EPHA5: variants seen among roughly 807,000 people sequenced by gnomAD.
EPHA5 encodes the protein ephrin type-A receptor 5.
Under a neutral mutation model 105.0 loss-of-function variants are expected in EPHA5, and 60 were observed. The ratio of observed to expected loss-of-function variants is 0.57; its 90% CI spans 0.46 to 0.71. The LOEUF (loss-of-function observed/expected upper bound fraction) is 0.71, where lower values mean the gene tolerates loss of function less well. Ranked by LOEUF, EPHA5 falls within the 30% of genes least tolerant of loss-of-function variation. The pLI, the probability that EPHA5 is intolerant of heterozygous loss-of-function variation, is 0.00. For missense variants in EPHA5, 1,218 were observed against 1,274.7 expected (o/e 0.96, Z 0.68); for synonymous variants, 513 against 449.1 (o/e 1.14, Z -1.80).
At chr4:65,333,183 C>T (rs1306902140) in intron 15 of EPHA5, among the ~76,000 whole-genome samples, 2 of 151,352 alleles carry the variant, frequency 1.3e-5, no homozygotes, top group Admixed American at 1.3e-4. Context: ...AATTTACATG[C>T]CCATTATGTA....
intron 16 of EPHA5, among the ~76,000 whole-genome samples, chr4:65,326,360 A>T (rs1720080730): frequency 6.6e-6 from 1 of 151,304 alleles, no homozygotes; most frequent in Non-Finnish European, 1.5e-5. Flanking sequence ...TAAGTAAAGC[A>T]CTTCAAATTA....
At chr4:65,589,323 T>C (rs919200929) in intron 3 of EPHA5, among the ~76,000 whole-genome samples, 1 of 152,034 alleles carries the variant, frequency 6.6e-6, no homozygotes, top group African/African-American at 2.4e-5. Flanking sequence ...GAATAAAGAC[T>C]GAAGCCCTCC....
At chr4:65,613,970 C>T (rs1232641039) in intron 2 of EPHA5, among the ~76,000 whole-genome samples, 1 of 151,850 alleles carries the variant, frequency 6.6e-6, no homozygotes, top group African/African-American at 2.4e-5. Context: ...TATTTTGTTG[C>T]ACTTTAATAT....
intron 8 of EPHA5, among the ~76,000 whole-genome samples, chr4:65,370,105 T>C (rs764396405): frequency 3.3e-5 from 5 of 152,104 alleles, no homozygotes; most frequent in South Asian, 2.1e-4. Context: ...TGAGGAAAAA[T>C]ACACAACAGG....
intron 3 of EPHA5, among the ~76,000 whole-genome samples, chr4:65,577,032 A>C (rs4599467): frequency 0.87 from 132,824 of 152,220 alleles, 58,259 homozygotes; most frequent in Non-Finnish European, 0.91. Context: ...ACAAAACTTT[A>C]TAACACTGTT....
At chr4:65,517,602 C>T (rs1046846071) in intron 3 of EPHA5, among the ~76,000 whole-genome samples, 7 of 151,558 alleles carry the variant, frequency 4.6e-5, no homozygotes, top group African/African-American at 1.7e-4. Flanking sequence ...CGTTTATTCC[C>T]CTTTTCTTCT....
At chr4:65,449,983 A>G (rs73822147) in intron 5 of EPHA5, among the ~76,000 whole-genome samples, 10,201 of 152,216 alleles carry the variant, frequency 0.067, 1,162 homozygotes, top group African/African-American at 0.23. Context: ...TGTTGGCTAA[A>G]CCACTCAGTT....
chr4:65,544,911 C>T (rs148335148), intron 3 of EPHA5, among the ~76,000 whole-genome samples: 2,305 of 149,560 alleles, frequency 0.015, 26 homozygotes, highest in Non-Finnish European at 0.024. Flanking sequence ...GGAATGAGAT[C>T]GTGTCCTTGC....
At chr4:65,528,421 T>C (rs1408916083) in intron 3 of EPHA5, among the ~76,000 whole-genome samples, 1 of 152,120 alleles carries the variant, frequency 6.6e-6, no homozygotes, top group Non-Finnish European at 1.5e-5. Flanking sequence ...AAGAAATATA[T>C]TTAATTCGCT....
intron 5 of EPHA5, among the ~76,000 whole-genome samples, chr4:65,455,048 A>G (rs1428225733): frequency 6.6e-6 from 1 of 152,078 alleles, no homozygotes; most frequent in Non-Finnish European, 1.5e-5. Flanking sequence ...GATCGAGACC[A>G]TGGTGAAACC....
chr4:65,361,434 G>A (rs1717306765), intron 11 of EPHA5, among the ~76,000 whole-genome samples: 1 of 151,572 alleles, frequency 6.6e-6, no homozygotes, highest in South Asian at 2.1e-4. Flanking sequence ...CATTTTGGTT[G>A]ATTTGTTTGC....
intron 12 of EPHA5, among the ~76,000 whole-genome samples, chr4:65,352,036 G>A (rs532389150): frequency 6.6e-6 from 1 of 151,978 alleles, no homozygotes; most frequent in Non-Finnish European, 1.5e-5. Context: ...GATGGGAGAC[G>A]GGTGACTGAG....
intron 5 of EPHA5, among the ~76,000 whole-genome samples, chr4:65,474,604 T>G (rs1416987444): frequency 6.6e-6 from 1 of 152,146 alleles, no homozygotes; most frequent in Non-Finnish European, 1.5e-5. Flanking sequence ...GTATGTTTTG[T>G]CTAATCAAAA....
At chr4:65,658,812 A>T (rs1749291385) in intron 1 of EPHA5, among the ~76,000 whole-genome samples, 1 of 152,070 alleles carries the variant, frequency 6.6e-6, no homozygotes, top group South Asian at 2.1e-4. Context: ...TTCTTCAGTA[A>T]TAAGAAATTG....
intron 3 of EPHA5, among the ~76,000 whole-genome samples, chr4:65,581,338 T>C (rs1236200199): frequency 1.3e-5 from 2 of 151,788 alleles, no homozygotes; most frequent in Non-Finnish European, 3.0e-5. Context: ...TTTTTTGTTC[T>C]TGTTAATCTG....
Position 65,320,261 on chromosome 4 carries a change from A to G in EPHA5, c.*3853T>C, listed in dbSNP as rs915166082. The G allele has an allele frequency of 4.3e-6, 1 of 230,224 alleles. No individual in the cohort carries two copies. The highest frequency in any genetic ancestry group is 8.6e-6 in the Non-Finnish European group (1 of 116,158). 14.3% of individuals were successfully genotyped at this position (230,224 alleles called of 1,614,324 possible). On this transcript the variant is annotated 3_prime_UTR_variant, in exon 17 of 17. Transcript: ENST00000613740. ...TAAACAGCTGTGCTACAGAGTTGAAAAAATGATGACTTATTTTACTTATTA... is the reference window on the plus strand; with the variant it reads ...TAAACAGCTGTGCTACAGAGTTGAAGAAATGATGACTTATTTTACTTATTA...
chr4:65,508,994 A>G (rs1237982805), intron 3 of EPHA5, among the ~76,000 whole-genome samples: 1 of 152,136 alleles, frequency 6.6e-6, no homozygotes, highest in South Asian at 2.1e-4. Flanking sequence ...CCATTTTGCA[A>G]ATGTTCAGTG....
At chr4:65,443,951 A>G (rs938384022) in intron 5 of EPHA5, among the ~76,000 whole-genome samples, 6 of 151,588 alleles carry the variant, frequency 4.0e-5, no homozygotes, top group Non-Finnish European at 8.8e-5. Context: ...GCACGCGCAC[A>G]TGCGCACTGG....
At chr4:65,633,120 G>A (rs1334236092) in intron 2 of EPHA5, among the ~76,000 whole-genome samples, 12 of 151,920 alleles carry the variant, frequency 7.9e-5, no homozygotes, top group South Asian at 4.1e-4. Context: ...ACACAAAAAA[G>A]AGAGAGAGAA....
Sources: allele counts gnomAD v4.1 joint callset (sites outside exome capture counted in the v4.1 genomes callset), GRCh38; gene constraint gnomAD v4.1.1; transcripts MANE v1.5; gene names NCBI Gene and HGNC (gene_info 2026-07-23, HGNC 2026-07-21).